The following KCNT2 variants were observed in gnomAD, a reference collection of about 807,000 sequenced individuals.
KCNT2 encodes potassium channel subfamily T member 2.
KCNT2 carries 67 observed loss-of-function variants against 153.8 expected under a neutral mutation model. That is an observed-to-expected ratio of 0.44 (90% CI 0.36 to 0.53). The LOEUF (loss-of-function observed/expected upper bound fraction) is 0.53, where lower values mean the gene tolerates loss of function less well. KCNT2 is among the 20% of genes least tolerant of loss of function. KCNT2 has a pLI of 0.00. For synonymous variants in KCNT2, 500 were observed against 458.8 expected (o/e 1.09, Z -1.15); for missense variants, 975 against 1,354.8 (o/e 0.72, Z 4.40).
intron 1 of KCNT2, among the ~76,000 whole-genome samples, chr1:196,600,509 G>A (rs1217004530): frequency 6.5e-5 from 2 of 30,898 alleles, no homozygotes; most frequent in African/African-American, 2.0e-4. Context: ...CACTATCAGT[G>A]ATTGTTTTAG....
At chr1:196,340,305 A>G (rs752574060) in intron 16 of KCNT2, 36 bp downstream of exon 16, 3 of 1,190,360 alleles carry the variant, frequency 2.5e-6, no homozygotes, top group African/African-American at 1.6e-5. Flanking sequence ...TATTTTAGAA[A>G]TAAATTAATG....
chr1:196,424,964 G>T (rs1255572431), intron 11 of KCNT2, among the ~76,000 whole-genome samples: 2 of 145,116 alleles, frequency 1.4e-5, no homozygotes, highest in African/African-American at 5.1e-5. Context: ...ATCCAGGAAA[G>T]AAAAAAAAAA....
At chr1:196,379,217 A>AT (rs553309048) in intron 13 of KCNT2, among the ~76,000 whole-genome samples, 6 of 152,122 alleles carry the variant, frequency 3.9e-5, no homozygotes, top group Admixed American at 6.6e-5. Flanking sequence ...TAAATCTGTC[A>AT]TTTTTTTTCC....
chr1:196,316,082 T>A, intron 20 of KCNT2, 56 bp from the exon 21 acceptor site: 1 of 1,541,824 alleles, frequency 6.5e-7, no homozygotes, highest in Non-Finnish European at 8.9e-7. Context: ...AATGTTATAA[T>A]CAGTGCTAAA....
At chr1:196,557,663 C>G (rs560671829) in intron 1 of KCNT2, among the ~76,000 whole-genome samples, 1 of 150,992 alleles carries the variant, frequency 6.6e-6, no homozygotes, top group Non-Finnish European at 1.5e-5. Flanking sequence ...ATTTTACTTA[C>G]CACTGAGCAT....
intron 14 of KCNT2, among the ~76,000 whole-genome samples, chr1:196,368,222 A>G (rs879941293): frequency 1.3e-5 from 2 of 152,178 alleles, no homozygotes; most frequent in Non-Finnish European, 2.9e-5. Context: ...TGCCTCACCC[A>G]TTACTTCCTA....
At chr1:196,466,260 A>T (rs368770919) in intron 7 of KCNT2, among the ~76,000 whole-genome samples, 1 of 151,968 alleles carries the variant, frequency 6.6e-6, no homozygotes, top group East Asian at 1.9e-4. Context: ...ATTTTTATTC[A>T]TTAGCAATTT....
chr1:196,298,038 G>T (rs1338715625), intron 22 of KCNT2, among the ~76,000 whole-genome samples: 2 of 152,208 alleles, frequency 1.3e-5, no homozygotes, highest in East Asian at 3.9e-4. Context: ...TTGAAAAAAT[G>T]ACATTTTTAC....
At chr1:196,582,396 T>G (rs1662172788) in intron 1 of KCNT2, 1 of 154,294 alleles carries the variant, frequency 6.5e-6, no homozygotes, top group Non-Finnish European at 1.5e-5. Context: ...AGATTTCAAC[T>G]TGACATGCGC....
At chr1:196,245,961 C>T (rs1322088711) in intron 26 of KCNT2, among the ~76,000 whole-genome samples, 2 of 151,752 alleles carry the variant, frequency 1.3e-5, no homozygotes, top group African/African-American at 4.8e-5. Context: ...ATTCTCAAGC[C>T]TAGAGAAATA....
intron 8 of KCNT2, among the ~76,000 whole-genome samples, chr1:196,462,202 C>T (rs1003861596): frequency 6.6e-6 from 1 of 151,422 alleles, no homozygotes. Context: ...AAAATTATTC[C>T]CCTATTTACC....
intron 12 of KCNT2, among the ~76,000 whole-genome samples, chr1:196,402,241 C>A (rs912581608): frequency 6.6e-6 from 1 of 151,340 alleles, no homozygotes; most frequent in African/African-American, 2.4e-5. Flanking sequence ...AGAAATAAAA[C>A]AAGAGTAACA....
chr1:196,259,262 T>C (rs1006146626), intron 25 of KCNT2, among the ~76,000 whole-genome samples: 8 of 152,150 alleles, frequency 5.3e-5, no homozygotes, highest in African/African-American at 1.9e-4. Context: ...CAAAGTCTAT[T>C]ATGACTTACT....
At chr1:196,449,417 C>T (rs1353571243) in intron 8 of KCNT2, among the ~76,000 whole-genome samples, 1 of 151,602 alleles carries the variant, frequency 6.6e-6, no homozygotes, top group African/African-American at 2.4e-5. Flanking sequence ...TATTAAGTGT[C>T]CCAATGAACC....
chr1:196,587,297 T>A (rs1227348319), intron 1 of KCNT2, among the ~76,000 whole-genome samples: 2 of 152,064 alleles, frequency 1.3e-5, no homozygotes, highest in Admixed American at 6.6e-5. Context: ...AATTATTATC[T>A]TCATTTTGCA....
chr1:196,427,066 C>A (rs193258338), intron 10 of KCNT2, among the ~76,000 whole-genome samples: 31 of 151,948 alleles, frequency 2.0e-4, no homozygotes, highest in Admixed American at 1.7e-3. Flanking sequence ...GGCTAATACA[C>A]CATGGGATCA....
chr1:196,436,136 AG>A lies in KCNT2; in HGVS notation c.639-6380del, dbSNP rs1674633220. Among the ~76,000 whole-genome samples, 5 of 151,338 alleles carry A rather than the reference AG, an allele frequency of 3.3e-5. No homozygotes were observed. The South Asian group carries it at 1.0e-3, about 31-fold the overall frequency. The stretch of plus-strand genomic sequence containing the variant: ...ATTCTGATTCACATTATATAGTCAT[AG>A]CATCATTTTCTGATACCCATTATAG... On this transcript the variant is annotated intron_variant, in intron 8 of 27. Coordinates refer to ENST00000294725, the MANE Select transcript of KCNT2 (RefSeq NM_198503.5).
rs978744199 is a variant in KCNT2 at position 196,479,224 on chromosome 1, C to T, written c.339G>A (p.Leu113=). 2 of 1,569,068 alleles carry T rather than the reference C, an allele frequency of 1.3e-6. No homozygotes were observed. Among genetic ancestry groups the T allele is most frequent in the East Asian group, 2.2e-5 (1 of 44,556 alleles). Residue 113 remains leucine, a synonymous_variant, in exon 5 of 28, where the codon TTG becomes TTA. Coordinates refer to ENST00000294725, the MANE Select transcript of KCNT2 (RefSeq NM_198503.5). ...PLWGLQVSVA[L]ISLFETILLG... The stretch of plus-strand genomic sequence containing the variant: ...GTAATATTGTTTCAAACAGACTTAT[C>T]AATGCCACTGAAACCTGAAAGATAA...
At chr1:196,260,767 G>A (rs936434866) in intron 25 of KCNT2, among the ~76,000 whole-genome samples, 1 of 151,678 alleles carries the variant, frequency 6.6e-6, no homozygotes, top group Non-Finnish European at 1.5e-5. Context: ...TTTGAGTTCT[G>A]TTTTGAATGT....
Sources: allele counts gnomAD v4.1 joint callset (sites outside exome capture counted in the v4.1 genomes callset), GRCh38; gene constraint gnomAD v4.1.1; transcripts MANE v1.5; gene names NCBI Gene and HGNC (gene_info 2026-07-23, HGNC 2026-07-21).